CA10: variants seen among roughly 807,000 people sequenced by gnomAD.
CA10 encodes the protein carbonic anhydrase 10 (inactive).
A neutral mutation model predicts 44.2 loss-of-function variants in CA10; 14 were observed. That is an observed-to-expected ratio of 0.32 (90% CI 0.21 to 0.50). The LOEUF (loss-of-function observed/expected upper bound fraction) is 0.50. Among genes scored for constraint, CA10 ranks in the 20% least tolerant of loss-of-function variants. The pLI is 0.99. For synonymous variants in CA10, 159 were observed against 141.6 expected, an observed-to-expected ratio of 1.12 and a Z score of -0.87; for missense variants, 350 against 409.7, an observed-to-expected ratio of 0.85 and a Z score of 1.26.
intron 1 of CA10, among the ~76,000 whole-genome samples, chr17:52,116,607 C>G (rs770647283): frequency 2.6e-5 from 4 of 152,164 alleles, no homozygotes; most frequent in Non-Finnish European, 5.9e-5. Context: ...TTTTCCTTCT[C>G]TCACTCATAT....
At chr17:52,051,489 G>A (rs1230183536) in intron 2 of CA10, among the ~76,000 whole-genome samples, 1 of 148,698 alleles carries the variant, frequency 6.7e-6, no homozygotes, top group Non-Finnish European at 1.5e-5. Context: ...CAAAGGACAT[G>A]AACATTTTCG....
chr17:51,745,318 T>G (rs1323039962), intron 4 of CA10, among the ~76,000 whole-genome samples: 1 of 152,222 alleles, frequency 6.6e-6, no homozygotes, highest in Non-Finnish European at 1.5e-5. Context: ...TCCTATATCC[T>G]GAGACTGATT....
At chr17:51,972,945 A>G (rs950065648) in intron 2 of CA10, among the ~76,000 whole-genome samples, 1 of 152,192 alleles carries the variant, frequency 6.6e-6, no homozygotes, top group Non-Finnish European at 1.5e-5. Context: ...TTTCACTCAT[A>G]TCACTTCAGG....
At chr17:52,079,991 G>A (rs900488829) in intron 1 of CA10, among the ~76,000 whole-genome samples, 3 of 152,190 alleles carry the variant, frequency 2.0e-5, no homozygotes, top group African/African-American at 7.2e-5. Flanking sequence ...GTGACAAAGT[G>A]ACTATTTCCA....
intron 2 of CA10, among the ~76,000 whole-genome samples, chr17:51,935,494 T>A (rs1377718133): frequency 2.0e-5 from 3 of 152,182 alleles, no homozygotes; most frequent in African/African-American, 7.2e-5. Context: ...CTAATTTACA[T>A]ATAAACTAGA....
At chr17:51,915,365 A>G (rs1284203696) in intron 3 of CA10, among the ~76,000 whole-genome samples, 1 of 152,204 alleles carries the variant, frequency 6.6e-6, no homozygotes, top group Non-Finnish European at 1.5e-5. Context: ...AAAGGTGATC[A>G]ACAAACTCTT....
At chr17:51,826,560 A>G (rs1035967063) in intron 3 of CA10, among the ~76,000 whole-genome samples, 4 of 152,168 alleles carry the variant, frequency 2.6e-5, no homozygotes, top group Non-Finnish European at 5.9e-5. Context: ...TTCATTTTCC[A>G]TGCATCCTTC....
intron 2 of CA10, among the ~76,000 whole-genome samples, chr17:51,974,885 C>A (rs1001459382): frequency 2.6e-5 from 4 of 151,936 alleles, no homozygotes; most frequent in Admixed American, 6.6e-5. Context: ...AAAATAAAGA[C>A]ATTTCAGTAA....
At chr17:52,038,594 A>G (rs1986682503) in intron 2 of CA10, among the ~76,000 whole-genome samples, 2 of 152,198 alleles carry the variant, frequency 1.3e-5, no homozygotes, top group Admixed American at 1.3e-4. Context: ...AATAACAGAT[A>G]CGTGTATAAA....
At chr17:52,150,330 A>G (rs1989676817) in intron 1 of CA10, among the ~76,000 whole-genome samples, 1 of 151,998 alleles carries the variant, frequency 6.6e-6, no homozygotes, top group African/African-American at 2.4e-5. Flanking sequence ...CTCCTCAAAC[A>G]CTTTCTATAC....
At chr17:51,661,101 C>T (rs1189887407) in intron 4 of CA10, among the ~76,000 whole-genome samples, 2 of 152,210 alleles carry the variant, frequency 1.3e-5, no homozygotes, top group South Asian at 2.1e-4. Flanking sequence ...GCTTGACATT[C>T]GTTGTGTGAC....
At chr17:51,837,703 A>G (rs1206574335) in intron 3 of CA10, among the ~76,000 whole-genome samples, 1 of 152,204 alleles carries the variant, frequency 6.6e-6, no homozygotes, top group Non-Finnish European at 1.5e-5. Context: ...TATTTTATAT[A>G]TGCCAAGTAT....
chr17:51,754,448 T>TATATATATAA (rs1905017825), intron 3 of CA10, among the ~76,000 whole-genome samples: 1 of 102,664 alleles, frequency 9.7e-6, no homozygotes, highest in Non-Finnish European at 2.0e-5. Flanking sequence ...TATATATATA[T>TATATATATAA]CACGTAAAAT....
chr17:52,102,057 T>C (rs1231309213), intron 1 of CA10, among the ~76,000 whole-genome samples: 6 of 152,162 alleles, frequency 3.9e-5, no homozygotes, highest in Admixed American at 3.9e-4. Flanking sequence ...CTCTCCAAAG[T>C]CCCTCCTTAG....
intron 4 of CA10, 95 bp from the exon 5 acceptor site, chr17:51,653,831 T>A (rs761363236): frequency 3.2e-5 from 23 of 717,248 alleles, no homozygotes; most frequent in Non-Finnish European, 5.1e-5. Context: ...AACTGCAAAG[T>A]ATATTGAGGA....
At chr17:52,021,515 T>C (rs1986138734) in intron 2 of CA10, among the ~76,000 whole-genome samples, 1 of 152,090 alleles carries the variant, frequency 6.6e-6, no homozygotes, top group Non-Finnish European at 1.5e-5. Flanking sequence ...TGAGATGATA[T>C]CTCATTGTAA....
intron 3 of CA10, among the ~76,000 whole-genome samples, chr17:51,766,632 T>A (rs1905394056): frequency 6.6e-6 from 1 of 152,190 alleles, no homozygotes; most frequent in South Asian, 2.1e-4. Flanking sequence ...TATGTCAGTT[T>A]GCTTATTTTT....
chr17:51,834,405 A>G (rs1456114858), intron 3 of CA10, among the ~76,000 whole-genome samples: 2 of 152,240 alleles, frequency 1.3e-5, no homozygotes, highest in Non-Finnish European at 2.9e-5. Context: ...CTCCTTCCTC[A>G]GATTCTCTGT....
chr17:51,860,826 G>A lies in CA10; in HGVS notation c.279+70164C>T, dbSNP rs143230286. 2.5e-3 allele frequency among the ~76,000 whole-genome samples: 375 copies of A among 152,198 alleles called. 1 individual carries two copies. Among genetic ancestry groups the A allele is most frequent in the Middle Eastern group, 6.8e-3 (2 of 294 alleles). On this transcript the variant is annotated intron_variant, in intron 3 of 8. Transcript: ENST00000451037. The stretch of plus-strand genomic sequence containing the variant: ...ATTCAGAATAGACGCCCCTCCAGCA[G>A]CCATCTTGATACACTAAGATTTGGG...
Sources: allele counts gnomAD v4.1 joint callset (sites outside exome capture counted in the v4.1 genomes callset), GRCh38; gene constraint gnomAD v4.1.1; transcripts MANE v1.5; gene names NCBI Gene and HGNC (gene_info 2026-07-23, HGNC 2026-07-21).